MSANTD3: variants seen among roughly 807,000 people sequenced by gnomAD.
The protein encoded by MSANTD3 is Myb/SANT DNA binding domain containing 3.
In MSANTD3, 11 loss-of-function variants were observed where a neutral mutation model predicts 27.7. The ratio of observed to expected loss-of-function variants is 0.40; its 90% CI spans 0.25 to 0.66. The LOEUF is 0.66. Among genes scored for constraint, MSANTD3 ranks in the 30% least tolerant of loss-of-function variants. MSANTD3 has a pLI of 0.41. For missense variants in MSANTD3, 250 were observed against 336.5 expected (o/e 0.74, Z 2.01); for synonymous variants, 131 against 127.2 (o/e 1.03, Z -0.20).
chr9:100,439,929 A>G (rs965679976), intron 1 of MSANTD3, among the ~76,000 whole-genome samples: 2 of 152,078 alleles, frequency 1.3e-5, no homozygotes, highest in African/African-American at 4.8e-5. Flanking sequence ...TGTAAGAAGG[A>G]CTGGGAATAC....
chr9:100,445,048 G>A, intron 2 of MSANTD3: 1 of 640,224 alleles, frequency 1.6e-6, no homozygotes, highest in Non-Finnish European at 2.8e-6. Flanking sequence ...GAGAACCTTG[G>A]TGCTTTGTCA....
At chr9:100,443,549 G>A (rs890729930) in intron 2 of MSANTD3, among the ~76,000 whole-genome samples, 6 of 151,828 alleles carry the variant, frequency 4.0e-5, no homozygotes, top group Non-Finnish European at 8.8e-5. Flanking sequence ...GGCACCCCAG[G>A]GATCTTGAAA....
intron 2 of MSANTD3, chr9:100,444,386 C>T (rs1266852237): frequency 6.6e-6 from 1 of 152,270 alleles, no homozygotes; most frequent in Non-Finnish European, 1.5e-5. Context: ...TCTCTTATCA[C>T]TCCTCATTGC....
At chr9:100,450,517 T>C (rs766703380) in intron 2 of MSANTD3, 40 bp from the exon 3 acceptor site, 3 of 1,494,990 alleles carry the variant, frequency 2.0e-6, no homozygotes, top group Non-Finnish European at 2.7e-6. Flanking sequence ...TCTCTGCCTG[T>C]AAAATCTTTG....
intron 1 of MSANTD3, among the ~76,000 whole-genome samples, chr9:100,431,003 T>C (rs1416947673): frequency 7.0e-6 from 1 of 143,708 alleles, no homozygotes; most frequent in Non-Finnish European, 1.5e-5. Flanking sequence ...TCTTTTTTTC[T>C]TTTTTTTTTT....
intron 2 of MSANTD3, chr9:100,445,250 C>CT: frequency 6.7e-7 from 1 of 1,495,024 alleles, no homozygotes; most frequent in East Asian, 2.3e-5. Flanking sequence ...GGAAAATCTG[C>CT]TATAGAGTTA....
intron 2 of MSANTD3, among the ~76,000 whole-genome samples, chr9:100,449,806 G>C (rs1836842230): frequency 6.6e-6 from 1 of 152,144 alleles, no homozygotes. Context: ...AAGAGTCTCT[G>C]TAAATCAAGA....
chr9:100,450,412 G>A lies in MSANTD3; in HGVS notation c.419-145G>A, dbSNP rs183026399. ...TTTTTAAAAAGTCAGGTGTGGCTAGGGTCCCTGTAGACATGAAGACCAAAG... is the reference window on the plus strand; with the variant it reads ...TTTTTAAAAAGTCAGGTGTGGCTAGAGTCCCTGTAGACATGAAGACCAAAG... On this transcript the variant is annotated intron_variant, in intron 2 of 2. Coordinates refer to ENST00000395067, the MANE Select transcript of MSANTD3 (RefSeq NM_080655.3). The A allele has an allele frequency of 2.3e-4, 141 of 616,030 alleles. No homozygotes were observed. The African/African-American group carries it at 2.6e-3, about 11-fold the overall frequency. The allele number at this position is 616,030 out of a possible 1,614,324, so 38.2% of individuals were successfully genotyped here.
rs910349097 is a variant in MSANTD3 at position 100,440,806 on chromosome 9, T to A, written c.-33-1100T>A. The stretch of plus-strand genomic sequence containing the variant: ...TTTTTTTTTTTTTTTTTTTTTTTTT[T>A]TAGAGACAGGGTTTTGCCTTGTTGC... On this transcript the variant is annotated intron_variant, in intron 1 of 2. Coordinates refer to ENST00000395067, the MANE Select transcript of MSANTD3 (RefSeq NM_080655.3). Among the ~76,000 whole-genome samples, 52 of 129,960 alleles carry A rather than the reference T, an allele frequency of 4.0e-4. No homozygotes were observed. In the South Asian group the frequency reaches 0.012, roughly 31 times the overall value. The allele number at this position is 129,960 out of a possible 152,430, so 85.3% of individuals were successfully genotyped here.
At chr9:100,445,317 T>A (rs1836728774) in intron 2 of MSANTD3, 2 of 874,134 alleles carry the variant, frequency 2.3e-6, no homozygotes, top group East Asian at 4.9e-5. Flanking sequence ...GTGATCTTTC[T>A]ATTTCTAACA....
In MSANTD3 at chr9:100,441,898, T is replaced by C. The variant is rs1836632263; in HGVS notation, c.-33-8T>C. 6.5e-7 allele frequency: 1 copy of C among 1,547,038 alleles called. No homozygotes were observed. The highest frequency in any genetic ancestry group is 8.7e-7 in the Non-Finnish European group (1 of 1,148,260). On this transcript the variant is annotated splice_polypyrimidine_tract_variant and splice_region_variant and intron_variant, in intron 1 of 2. Coordinates refer to ENST00000395067, the MANE Select transcript of MSANTD3 (RefSeq NM_080655.3). ...TTGGTAATCATTGCTTCAAACTTCC[T>C]TTTACAGGATAGCTAGCGGCCAGGA...
chr9:100,431,425 C>T (rs113831295), intron 1 of MSANTD3, among the ~76,000 whole-genome samples: 146 of 151,990 alleles, frequency 9.6e-4, no homozygotes, highest in African/African-American at 3.5e-3. Context: ...CCCACTTCAG[C>T]CTCCCAAGTA....
intron 2 of MSANTD3, chr9:100,444,188 G>C (rs773467937): frequency 1.3e-5 from 2 of 152,182 alleles, no homozygotes; most frequent in Non-Finnish European, 1.5e-5. Flanking sequence ...ATTTGACCAA[G>C]GTTAAGTCCA....
In MSANTD3 at chr9:100,451,305, A is replaced by AT. The variant is rs35133590; in HGVS notation, c.*352dup. 299 of 152,766 alleles carry AT rather than the reference A, an allele frequency of 2.0e-3. 1 individual carries two copies. The highest frequency in any genetic ancestry group is 3.1e-3 in the Non-Finnish European group (228 of 73,386). 9.5% of individuals were successfully genotyped at this position (152,766 alleles called of 1,614,324 possible). ...GTGTGACTATAAAGGAGTGTGGCTGATTTTTTTTTTTTTCTTTTTTCTTTT... is the reference window on the plus strand; with the variant it reads ...GTGTGACTATAAAGGAGTGTGGCTGATTTTTTTTTTTTTTCTTTTTTCTTTT... On this transcript the variant is annotated 3_prime_UTR_variant, in exon 3 of 3. Coordinates refer to ENST00000395067, the MANE Select transcript of MSANTD3 (RefSeq NM_080655.3).
intron 2 of MSANTD3, chr9:100,448,219 A>G: frequency 1.0e-6 from 1 of 979,562 alleles, no homozygotes; most frequent in East Asian, 1.1e-4. Context: ...AAAAAAGAAG[A>G]AGAAGAAATT....
At position 100,451,714 on chromosome 9, in the gene MSANTD3, A is replaced by G. The variant is rs1478673380; in HGVS notation, c.*748A>G. On this transcript the variant is annotated 3_prime_UTR_variant, in exon 3 of 3. Transcript: ENST00000395067. ...CATTCTGTTATGTTGGTTTTATTAA[A>G]AAAAAAAAAAAGACTTGCAATTTTA... 1 of 149,880 alleles carries G rather than the reference A, an allele frequency of 6.7e-6. No individual in the cohort carries two copies. The highest frequency in any genetic ancestry group is 1.5e-5 in the Non-Finnish European group (1 of 67,306). The allele number at this position is 149,880 out of a possible 1,614,324, so 9.3% of individuals were successfully genotyped here. A position where few individuals can be genotyped will look rare whatever the true frequency, so the allele number is the denominator to read the frequency against.
intron 1 of MSANTD3, among the ~76,000 whole-genome samples, chr9:100,428,744 G>A (rs1836298620): frequency 6.6e-6 from 1 of 152,190 alleles, no homozygotes; most frequent in Non-Finnish European, 1.5e-5. Context: ...TTCAGGGCAT[G>A]GGGATGCTTG....
At chr9:100,428,449 A>G (rs1292469105) in intron 1 of MSANTD3, among the ~76,000 whole-genome samples, 2 of 152,172 alleles carry the variant, frequency 1.3e-5, no homozygotes, top group Non-Finnish European at 2.9e-5. Context: ...AGAGAGAGAC[A>G]TGGGATGGAC....
rs76432255 is a variant in MSANTD3 at position 100,445,346 on chromosome 9, T to A, written c.418+2990T>A. 143 of 688,098 alleles carry A rather than the reference T, an allele frequency of 2.1e-4. No individual in the cohort carries two copies. In the African/African-American group the frequency reaches 2.4e-3, roughly 11 times the overall value. The allele number at this position is 688,098 out of a possible 1,614,324, so 42.6% of individuals were successfully genotyped here. ...TCTAACACTGTGCTGTCTAATACAG[T>A]TGTCACAAGCCACATGAGGCTCATA... On this transcript the variant is annotated intron_variant, in intron 2 of 2. Transcript: ENST00000395067.
Sources: gnomAD v4.1 joint callset for allele counts (sites outside exome capture counted in the v4.1 genomes callset) on GRCh38, gnomAD v4.1.1 for gene constraint, MANE v1.5 for transcripts, NCBI Gene and HGNC (gene_info 2026-07-23, HGNC 2026-07-21) for gene names.